CNTNAP2: variants seen among roughly 807,000 people sequenced by gnomAD.
CNTNAP2 encodes contactin associated protein 2, also known as contactin-associated protein-like 2.
CNTNAP2 carries 98 observed loss-of-function variants against 155.2 expected under a neutral mutation model. That is an observed-to-expected ratio of 0.63 (90% CI 0.54 to 0.75). The LOEUF (loss-of-function observed/expected upper bound fraction) is 0.75. Among genes scored for constraint, CNTNAP2 ranks in the 30% least tolerant of loss-of-function variants. The pLI, the probability that CNTNAP2 is intolerant of heterozygous loss-of-function variation, is 0.00. For synonymous variants in CNTNAP2, 651 were observed against 631.2 expected (o/e 1.03, Z -0.47); for missense variants, 1,727 against 1,688.1 (o/e 1.02, Z -0.40).
rs1273428300 is a variant in CNTNAP2 at position 147,301,573 on chromosome 7, GCTCT to G, written c.1498+1300_1498+1303del. ...GTTTAATTAAATATATAGTTATATA[GCTCT>G]CTCTCTCTCTCTCTCTGTGTGTGTG... is the stretch of plus-strand genomic sequence containing the variant. On this transcript the variant is annotated intron_variant, in intron 9 of 23. Transcript: ENST00000361727. Among the ~76,000 whole-genome samples, 36 of 139,282 alleles carry G rather than the reference GCTCT, an allele frequency of 2.6e-4. 1 individual carries two copies. The East Asian group carries it at 3.0e-3, about 12-fold the overall frequency. 91.4% of individuals were successfully genotyped at this position (139,282 alleles called of 152,430 possible).
At chr7:146,702,632 G>A (rs993262090) in intron 1 of CNTNAP2, among the ~76,000 whole-genome samples, 17 of 151,984 alleles carry the variant, frequency 1.1e-4, no homozygotes, top group Admixed American at 5.3e-4. Flanking sequence ...CTTAAATTGA[G>A]GTTTCAGTAG....
chr7:147,600,506 A>G (rs902889053), intron 12 of CNTNAP2, among the ~76,000 whole-genome samples: 14 of 152,184 alleles, frequency 9.2e-5, no homozygotes, highest in African/African-American at 1.7e-4. Flanking sequence ...TATAATTTTC[A>G]TGTATTGTGA....
At chr7:146,622,683 G>A (rs1014839537) in intron 1 of CNTNAP2, among the ~76,000 whole-genome samples, 2 of 152,022 alleles carry the variant, frequency 1.3e-5, no homozygotes, top group African/African-American at 2.4e-5. Flanking sequence ...CAGGCTGGGC[G>A]CAGTGGCTCA....
chr7:147,476,990 G>A (rs552834678), intron 10 of CNTNAP2, among the ~76,000 whole-genome samples: 9 of 150,044 alleles, frequency 6.0e-5, no homozygotes, highest in South Asian at 2.1e-4. Flanking sequence ...ATCTATGGAC[G>A]TGAAGCAGAT....
chr7:147,880,701 T>G (rs1003113778), intron 13 of CNTNAP2, among the ~76,000 whole-genome samples: 1 of 152,056 alleles, frequency 6.6e-6, no homozygotes, highest in Non-Finnish European at 1.5e-5. Flanking sequence ...GTAAAGACTG[T>G]TCCAAGACAA....
chr7:147,960,803 C>T (rs189697572), intron 14 of CNTNAP2, among the ~76,000 whole-genome samples: 2 of 149,888 alleles, frequency 1.3e-5, no homozygotes, highest in East Asian at 2.0e-4. Flanking sequence ...CTCCTTTCCT[C>T]CTCCTTTCCT....
chr7:147,745,708 T>C (rs898333317), intron 13 of CNTNAP2, among the ~76,000 whole-genome samples: 2 of 152,208 alleles, frequency 1.3e-5, no homozygotes, highest in African/African-American at 4.8e-5. Context: ...TAAAACAAAA[T>C]GCTCTTTCTC....
intron 3 of CNTNAP2, among the ~76,000 whole-genome samples, chr7:146,923,859 ACTTGTTAGAATTGAATATTC>A (rs1457183563): frequency 6.6e-6 from 1 of 152,000 alleles, no homozygotes; most frequent in Non-Finnish European, 1.5e-5. Context: ...ATCACCTGGG[ACTTGTTAGAATTGAATATTC>A]CTGGGACCTA....
chr7:148,089,744 T>C (rs1803801299), intron 15 of CNTNAP2, among the ~76,000 whole-genome samples: 1 of 151,702 alleles, frequency 6.6e-6, no homozygotes, highest in South Asian at 2.1e-4. Context: ...ATAATGCCTA[T>C]AAAAATTCCA....
intron 3 of CNTNAP2, among the ~76,000 whole-genome samples, chr7:146,891,855 T>TA (rs1293741488): frequency 6.6e-6 from 1 of 152,166 alleles, no homozygotes; most frequent in Admixed American, 6.5e-5. Flanking sequence ...TCCATTTTTT[T>TA]ATTCTTGTTA....
At chr7:147,000,343 T>C (rs189590433) in intron 3 of CNTNAP2, among the ~76,000 whole-genome samples, 108 of 152,232 alleles carry the variant, frequency 7.1e-4, no homozygotes, top group African/African-American at 2.5e-3. Context: ...TATTTTTACT[T>C]TATCGTGAGG....
At position 148,385,984 on chromosome 7, in the gene CNTNAP2, C is replaced by T. The variant is rs188701153; in HGVS notation, c.3715+2096C>T. On this transcript the variant is annotated intron_variant, in intron 22 of 23. Coordinates refer to ENST00000361727, the MANE Select transcript of CNTNAP2 (RefSeq NM_014141.6). ...CCTCAGGTGATCCACCCGCCTAGGC[C>T]TCCCAAAGTGCTAGGATTACAGAGT... 2.0e-5 allele frequency among the ~76,000 whole-genome samples: 3 copies of T among 152,150 alleles called. No homozygotes were observed. In the East Asian group the frequency reaches 5.8e-4, roughly 29 times the overall value.
chr7:146,683,979 A>G (rs906582220), intron 1 of CNTNAP2, among the ~76,000 whole-genome samples: 5 of 152,194 alleles, frequency 3.3e-5, no homozygotes, highest in African/African-American at 1.2e-4. Flanking sequence ...GAATTTTCCC[A>G]AGATCTGTCT....
chr7:147,957,855 G>T (rs1801046115), intron 14 of CNTNAP2, among the ~76,000 whole-genome samples: 1 of 152,094 alleles, frequency 6.6e-6, no homozygotes, highest in African/African-American at 2.4e-5. Context: ...TGGGAGGATT[G>T]CTTGAACTCA....
chr7:146,929,188 C>A (rs1563006380), intron 3 of CNTNAP2, among the ~76,000 whole-genome samples: 1 of 152,180 alleles, frequency 6.6e-6, no homozygotes, highest in South Asian at 2.1e-4. Context: ...GAGGCACCCC[C>A]CAGTAGGGGC....
Position 146,839,782 on chromosome 7 carries a change from C to A in CNTNAP2, c.280C>A (p.Gln94Lys), listed in dbSNP as rs1294234578. ...TCAGGTTGACTTTGGCAATCGGAAG[C>A]AGATCAGTGCCATTGCAACCCAAGG... is the stretch of plus-strand genomic sequence containing the variant. ...WLQVDFGNRK[Q>K]ISAIATQGRY... is the part of the protein sequence containing the mutation. The change falls in exon 3 of 24, where the codon CAG (glutamine) becomes AAG (lysine). Residue 94 changes from glutamine (Q) to lysine (K), a missense_variant. Coordinates refer to ENST00000361727, the MANE Select transcript of CNTNAP2 (RefSeq NM_014141.6). The A allele has an allele frequency of 6.2e-7, 1 of 1,614,176 alleles. No homozygotes were observed. The highest frequency in any genetic ancestry group is 8.5e-7 in the Non-Finnish European group (1 of 1,180,042).
chr7:146,156,865 G>T (rs943405624), intron 1 of CNTNAP2, among the ~76,000 whole-genome samples: 2 of 152,070 alleles, frequency 1.3e-5, no homozygotes, highest in African/African-American at 4.8e-5. Context: ...CCTCCCAAAA[G>T]TTCTGGGATT....
At chr7:146,483,470 C>T (rs1797009398) in intron 1 of CNTNAP2, among the ~76,000 whole-genome samples, 1 of 149,574 alleles carries the variant, frequency 6.7e-6, no homozygotes, top group Non-Finnish European at 1.5e-5. Flanking sequence ...TGGTTTCTAA[C>T]ACAGGTCTTA....
intron 21 of CNTNAP2, among the ~76,000 whole-genome samples, chr7:148,281,945 C>T (rs1252856013): frequency 4.0e-5 from 6 of 149,342 alleles, no homozygotes; most frequent in Non-Finnish European, 7.4e-5. Context: ...AAGCAATTCT[C>T]CTGTGAGTAG....
Sources: allele counts gnomAD v4.1 joint callset (sites outside exome capture counted in the v4.1 genomes callset), GRCh38; gene constraint gnomAD v4.1.1; transcripts MANE v1.5; gene names NCBI Gene and HGNC (gene_info 2026-07-23, HGNC 2026-07-21).